The following TG variants were observed in gnomAD, a reference collection of about 807,000 sequenced individuals.
TG encodes the protein thyroid hormones.
In TG, 270 loss-of-function variants were observed where a neutral mutation model predicts 324.7. The observed-to-expected ratio is 0.83, with a 90% confidence interval of 0.75 to 0.92. TG has a LOEUF of 0.92. Among genes scored for constraint, TG ranks in the 40% least tolerant of loss-of-function variants. The probability of loss-of-function intolerance (pLI) is 0.00; values close to 1 mark genes in which losing one functional copy is unlikely to be tolerated. For missense variants in TG, 3,591 were observed against 3,456.4 expected, an observed-to-expected ratio of 1.04 and a Z score of -0.98; for synonymous variants, 1,401 against 1,327.0, an observed-to-expected ratio of 1.06 and a Z score of -1.21.
At chr8:133,087,350 A>G (rs1846756879) in intron 41 of TG, among the ~76,000 whole-genome samples, 1 of 152,150 alleles carries the variant, frequency 6.6e-6, no homozygotes, top group Non-Finnish European at 1.5e-5. Flanking sequence ...AGAGTATGAA[A>G]AGGATTGCAT....
chr8:132,922,239 G>C (rs1436185284), intron 21 of TG, among the ~76,000 whole-genome samples: 2 of 152,216 alleles, frequency 1.3e-5, no homozygotes, highest in African/African-American at 4.8e-5. Context: ...GGGGACATTA[G>C]CTAGGGGGCC....
chr8:132,882,079 G>T, intron 6 of TG, 110 bp downstream of exon 6: 1 of 796,170 alleles, frequency 1.3e-6, no homozygotes, highest in South Asian at 1.6e-5. Context: ...CCTGCCCCCT[G>T]CCAGGCTGCT....
intron 16 of TG, among the ~76,000 whole-genome samples, chr8:132,906,048 C>G (rs985004320): frequency 2.6e-5 from 4 of 152,194 alleles, no homozygotes; most frequent in African/African-American, 9.7e-5. Context: ...CATAATTTCT[C>G]TGCCAGCAGT....
chr8:132,964,449 G>A (rs1315921933), intron 29 of TG, among the ~76,000 whole-genome samples: 79 of 152,114 alleles, frequency 5.2e-4, no homozygotes, highest in African/African-American at 2.2e-4. Context: ...GCATCTCCAC[G>A]TGGGCTCGTT....
intron 30 of TG, 93 bp downstream of exon 30, chr8:132,966,790 C>A: frequency 6.6e-7 from 1 of 1,511,282 alleles, no homozygotes; most frequent in South Asian, 1.1e-5. Flanking sequence ...CAGATAAGGC[C>A]AAATTTTGTG....
At chr8:133,103,276 A>G (rs1054111710) in intron 43 of TG, among the ~76,000 whole-genome samples, 2 of 152,180 alleles carry the variant, frequency 1.3e-5, no homozygotes, top group Non-Finnish European at 2.9e-5. Flanking sequence ...TGTCTCTTGC[A>G]GTGTTATAAG....
At chr8:133,119,982 T>C (rs932396806) in intron 45 of TG, among the ~76,000 whole-genome samples, 19 of 152,204 alleles carry the variant, frequency 1.2e-4, no homozygotes, top group African/African-American at 4.6e-4. Flanking sequence ...ACAAGAGCCA[T>C]GTGGTTTGGG....
intron 43 of TG, among the ~76,000 whole-genome samples, chr8:133,108,401 C>G (rs1850002928): frequency 6.6e-6 from 1 of 152,096 alleles, no homozygotes; most frequent in South Asian, 2.1e-4. Flanking sequence ...ATGGACTTTC[C>G]CTGGCCTGTC....
chr8:133,020,461 C>G (rs1368250541), intron 39 of TG, among the ~76,000 whole-genome samples: 1 of 152,184 alleles, frequency 6.6e-6, no homozygotes, highest in Non-Finnish European at 1.5e-5. Flanking sequence ...GCCAAACGGC[C>G]TTTTCCCTTG....
rs1450512678 is a variant in TG, at chr8:133,134,781, C to T, written c.8294C>T (p.Thr2765Ile). 28 of 1,613,990 alleles carry T rather than the reference C, an allele frequency of 1.7e-5. No individual in the cohort carries two copies. The highest frequency in any genetic ancestry group is 2.4e-5 in the Non-Finnish European group (28 of 1,179,984). The change falls in exon 48 of 48, where the codon ACC (threonine) becomes ATC (isoleucine). Residue 2765 changes from threonine (T) to isoleucine (I), a missense_variant. Physicochemically the swap from Thr to Ile is moderately conservative, Grantham distance 89. Coordinates refer to ENST00000220616, the MANE Select transcript of TG (RefSeq NM_003235.5). ...LLSLQEPGSKTYSK is the reference protein window; with the variant it reads ...LLSLQEPGSKIYSK Reference sequence around the variant, plus strand: ...AGCCTCCAGGAACCAGGCTCTAAGACCTACAGCAAGTGACCAGCCCTTGAG... The same window carrying T: ...AGCCTCCAGGAACCAGGCTCTAAGATCTACAGCAAGTGACCAGCCCTTGAG...
At chr8:133,127,672 T>C (rs956279323) in intron 45 of TG, among the ~76,000 whole-genome samples, 3 of 152,176 alleles carry the variant, frequency 2.0e-5, no homozygotes, top group African/African-American at 7.2e-5. Context: ...TTAGTAAGCA[T>C]GCAGTTTAGT....
intron 36 of TG, among the ~76,000 whole-genome samples, chr8:133,013,295 A>G (rs1006207492): frequency 6.6e-6 from 1 of 152,208 alleles, no homozygotes; most frequent in East Asian, 1.9e-4. Context: ...GGATTCATGG[A>G]TGCATGAGCG....
chr8:132,956,847 G>C (rs1273456331), intron 27 of TG, among the ~76,000 whole-genome samples: 1 of 152,128 alleles, frequency 6.6e-6, no homozygotes, highest in African/African-American at 2.4e-5. Context: ...AGGAGTTGTG[G>C]TAAGGCTTGA....
chr8:133,012,100 TCTCAA>T (rs1834564395), intron 36 of TG, 65 bp downstream of exon 36: 2 of 1,608,138 alleles, frequency 1.2e-6, no homozygotes, highest in South Asian at 2.2e-5. Context: ...TGCTCAAGAT[TCTCAA>T]CTTAGAAAAA....
At chr8:133,060,017 T>G in intron 41 of TG, 1 of 1,412,580 alleles carries the variant, frequency 7.1e-7, no homozygotes, top group South Asian at 1.5e-5. Context: ...TTTAAGTAGT[T>G]ACCGGCATCC....
rs775729175 is a variant in TG, at chr8:132,897,715, G to C, written c.3068G>C (p.Arg1023Pro). The C allele has an allele frequency of 5.6e-6, 9 of 1,614,096 alleles. No homozygotes were observed. The Admixed American group carries it at 6.7e-5, about 12-fold the overall frequency. ...TCGGCTGGAGCATCCGCCCTTCTGC[G>C]GTCGGGCCCCTACATGCCACAGTGT... The part of the protein sequence containing the change: ...DDSAGASALL[R>P]SGPYMPQCDA... The change falls in exon 12 of 48, where the codon CGG (arginine) becomes CCG (proline). Residue 1023 changes from arginine to proline, a missense_variant. Transcript: ENST00000220616.
intron 41 of TG, among the ~76,000 whole-genome samples, chr8:133,073,924 G>T (rs778752110): frequency 6.6e-6 from 1 of 152,060 alleles, no homozygotes; most frequent in Non-Finnish European, 1.5e-5. Flanking sequence ...TCTGAGGATT[G>T]CAGAAAAATA....
chr8:133,025,093 C>T (rs1835957039), intron 40 of TG, among the ~76,000 whole-genome samples: 1 of 152,236 alleles, frequency 6.6e-6, no homozygotes, highest in Non-Finnish European at 1.5e-5. Flanking sequence ...CGCCTCCGTG[C>T]TCTTCAGCTC....
At chr8:133,051,112 C>A (rs1178011427) in intron 41 of TG, among the ~76,000 whole-genome samples, 1 of 152,146 alleles carries the variant, frequency 6.6e-6, no homozygotes, top group East Asian at 1.9e-4. Context: ...CCCTGAGGGT[C>A]AGGTGACATG....
Sources: gnomAD v4.1 joint callset for allele counts (sites outside exome capture counted in the v4.1 genomes callset) on GRCh38, gnomAD v4.1.1 for gene constraint, MANE v1.5 for transcripts, NCBI Gene and HGNC (gene_info 2026-07-23, HGNC 2026-07-21) for gene names.